NCK1: variants seen among roughly 807,000 people sequenced by gnomAD.
NCK1 encodes the protein NCK adaptor protein 1, also known as SH2/SH3 adapter protein NCK1.
Under a neutral mutation model 36.6 loss-of-function variants are expected in NCK1, and 19 were observed. The observed-to-expected ratio is 0.52, with a 90% confidence interval of 0.36 to 0.76. The LOEUF is 0.76. Ranked by LOEUF, NCK1 falls within the 30% of genes least tolerant of loss-of-function variation. The probability of loss-of-function intolerance (pLI) is 0.00; values close to 1 mark genes in which losing one functional copy is unlikely to be tolerated. For synonymous variants in NCK1, 165 were observed against 156.0 expected (o/e 1.06, Z -0.43); for missense variants, 358 against 445.6 (o/e 0.80, Z 1.77).
intron 1 of NCK1, among the ~76,000 whole-genome samples, chr3:136,921,782 A>G (rs1940116742): frequency 1.3e-5 from 2 of 151,956 alleles, no homozygotes; most frequent in African/African-American, 4.8e-5. Context: ...GGAAAGAAAG[A>G]TGGTTTTTTT....
At chr3:136,875,678 A>G (rs1938746628) in intron 1 of NCK1, among the ~76,000 whole-genome samples, 1 of 150,448 alleles carries the variant, frequency 6.6e-6, no homozygotes, top group African/African-American at 2.4e-5. Context: ...CTACAAAGAG[A>G]CTTAGACTCC....
At chr3:136,947,726 T>A (rs1940865360) in intron 3 of NCK1, among the ~76,000 whole-genome samples, 1 of 152,134 alleles carries the variant, frequency 6.6e-6, no homozygotes, top group Non-Finnish European at 1.5e-5. Flanking sequence ...TTTACATTAT[T>A]CTTTTGGCTC....
intron 1 of NCK1, among the ~76,000 whole-genome samples, chr3:136,864,300 G>T (rs1370059062): frequency 1.3e-5 from 2 of 149,560 alleles, no homozygotes. Context: ...AGACCAGCCT[G>T]GCCAACACGG....
rs185485335 is a variant in NCK1, at chr3:136,945,634, C to G, written c.278C>G (p.Ala93Gly). 6.2e-7 allele frequency: 1 copy of G among 1,613,896 alleles called. No individual in the cohort carries two copies. The highest frequency in any genetic ancestry group is 8.5e-7 in the Non-Finnish European group (1 of 1,179,898). Residue 93 changes from alanine to glycine, a missense_variant, in exon 3 of 4, where the codon GCT becomes GGT. By Grantham distance (60) the Ala-to-Gly change is moderately conservative. Transcript: ENST00000481752. ...KPSVPDSASP[A>G]DDSFVDPGER... The stretch of plus-strand genomic sequence containing the variant: ...AGTGTGCCAGATTCTGCATCTCCTG[C>G]TGATGATAGTTTTGTTGACCCAGGG...
At chr3:136,912,666 A>G (rs1457047329) in intron 1 of NCK1, among the ~76,000 whole-genome samples, 3 of 146,894 alleles carry the variant, frequency 2.0e-5, no homozygotes, top group Non-Finnish European at 4.5e-5. Context: ...TTTTTTTTTT[A>G]AGACAGGGTC....
intron 1 of NCK1, among the ~76,000 whole-genome samples, chr3:136,908,663 C>T (rs1414476881): frequency 6.6e-6 from 1 of 152,218 alleles, no homozygotes; most frequent in Non-Finnish European, 1.5e-5. Flanking sequence ...TGACATCTAA[C>T]TCCAAAGGAG....
At chr3:136,874,186 C>CT (rs1938702994) in intron 1 of NCK1, among the ~76,000 whole-genome samples, 1 of 151,934 alleles carries the variant, frequency 6.6e-6, no homozygotes. Flanking sequence ...ATTTTTTATA[C>CT]TTTTTTTGAG....
chr3:136,870,978 T>C (rs1228974423), intron 1 of NCK1, among the ~76,000 whole-genome samples: 1 of 152,182 alleles, frequency 6.6e-6, no homozygotes, highest in Non-Finnish European at 1.5e-5. Context: ...TTTCCAGGTG[T>C]GTGTATGTGT....
intron 2 of NCK1, chr3:136,928,775 G>T (rs1197859569): frequency 6.7e-6 from 1 of 148,156 alleles, no homozygotes. Context: ...CTCCATTAGG[G>T]CCTGAGACAG....
At chr3:136,945,524 A>C in intron 2 of NCK1, 59 bp from the exon 3 acceptor site, 1 of 1,247,416 alleles carries the variant, frequency 8.0e-7, no homozygotes, top group Middle Eastern at 2.4e-4. Context: ...GAATAAGTTC[A>C]TTCTTTTGGT....
chr3:136,894,531 A>C (rs1939341510), intron 1 of NCK1, among the ~76,000 whole-genome samples: 1 of 152,166 alleles, frequency 6.6e-6, no homozygotes, highest in Non-Finnish European at 1.5e-5. Context: ...TGCCATGGTC[A>C]TGTGCTTAAT....
intron 1 of NCK1, among the ~76,000 whole-genome samples, chr3:136,924,363 G>A (rs965545957): frequency 1.3e-5 from 2 of 152,150 alleles, no homozygotes; most frequent in Non-Finnish European, 2.9e-5. Flanking sequence ...CCAAATTCAC[G>A]ATGTGGGAAA....
chr3:136,896,461 C>T (rs1939393261), intron 1 of NCK1, among the ~76,000 whole-genome samples: 2 of 152,172 alleles, frequency 1.3e-5, no homozygotes, highest in South Asian at 4.1e-4. Context: ...CTGCAAATGA[C>T]ATGATTTCAT....
intron 1 of NCK1, among the ~76,000 whole-genome samples, chr3:136,923,316 G>GA (rs11433927): frequency 0.68 from 102,954 of 151,846 alleles, 35,230 homozygotes; most frequent in East Asian, 0.87. Context: ...AGCACTTTGG[G>GA]AGGCCGAGGC....
At chr3:136,901,472 T>C (rs1337567318) in intron 1 of NCK1, among the ~76,000 whole-genome samples, 3 of 151,858 alleles carry the variant, frequency 2.0e-5, no homozygotes, top group Non-Finnish European at 4.4e-5. Flanking sequence ...CTTCTATGAG[T>C]GTTTGGTAGA....
At chr3:136,864,499 A>C (rs28411139) in intron 1 of NCK1, among the ~76,000 whole-genome samples, 1,151 of 109,330 alleles carry the variant, frequency 0.011, 18 homozygotes, top group East Asian at 0.045. Context: ...CACACACAAA[A>C]AAAAAACAGA....
intron 1 of NCK1, among the ~76,000 whole-genome samples, chr3:136,909,614 ATAG>A (rs1202711596): frequency 6.6e-6 from 1 of 152,208 alleles, no homozygotes; most frequent in Non-Finnish European, 1.5e-5. Flanking sequence ...TAATTGGTTT[ATAG>A]TATTAAGTCC....
chr3:136,869,393 A>C (rs962208417), intron 1 of NCK1, among the ~76,000 whole-genome samples: 1 of 152,150 alleles, frequency 6.6e-6, no homozygotes, highest in Non-Finnish European at 1.5e-5. Flanking sequence ...CTAAATACAA[A>C]AATTAGCTGA....
At chr3:136,875,589 A>G (rs1938743600) in intron 1 of NCK1, among the ~76,000 whole-genome samples, 2 of 152,198 alleles carry the variant, frequency 1.3e-5, no homozygotes, top group African/African-American at 4.8e-5. Flanking sequence ...GATCAATTCA[A>G]CACGAAGAGC....
Sources: gnomAD v4.1 joint callset for allele counts (sites outside exome capture counted in the v4.1 genomes callset) on GRCh38, gnomAD v4.1.1 for gene constraint, MANE v1.5 for transcripts, NCBI Gene and HGNC (gene_info 2026-07-23, HGNC 2026-07-21) for gene names.